Variants in DIAPH2 observed in about 807,000 individuals in gnomAD.
DIAPH2 encodes the protein protein diaphanous homolog 2.
DIAPH2 carries 35 observed loss-of-function variants against 92.7 expected under a neutral mutation model. The ratio of observed to expected loss-of-function variants is 0.38; its 90% CI spans 0.29 to 0.50. The LOEUF (loss-of-function observed/expected upper bound fraction) is 0.50. Among genes scored for constraint, DIAPH2 ranks in the 20% least tolerant of loss-of-function variants. The pLI, the probability that DIAPH2 is intolerant of heterozygous loss-of-function variation, is 0.94. For missense variants in DIAPH2, 701 were observed against 819.5 expected (o/e 0.86, Z 1.77); for synonymous variants, 301 against 280.4 (o/e 1.07, Z -0.73).
intron 3 of DIAPH2, among the ~76,000 whole-genome samples, chrX:96,755,575 C>T (rs1184747458): frequency 9.0e-6 from 1 of 110,914 alleles, no homozygotes; most frequent in Non-Finnish European, 1.9e-5. Context: ...ATCACTTGAA[C>T]TTGGGAGGTG....
At chrX:96,751,343 G>A (rs1483951812) in intron 3 of DIAPH2, among the ~76,000 whole-genome samples, 2 of 109,440 alleles carry the variant, frequency 1.8e-5, no homozygotes, top group Non-Finnish European at 3.8e-5. Flanking sequence ...TTGGGAGGCC[G>A]AGGCAGGCGG....
chrX:97,139,418 T>C (rs1158348394), intron 21 of DIAPH2, among the ~76,000 whole-genome samples: 1 of 108,206 alleles, frequency 9.2e-6, no homozygotes, highest in Non-Finnish European at 1.9e-5. Context: ...TCCTGCCAGT[T>C]TGAACCATTA....
At chrX:96,915,851 G>A (rs1217486104) in intron 7 of DIAPH2, among the ~76,000 whole-genome samples, 1 of 111,342 alleles carries the variant, frequency 9.0e-6, no homozygotes. Context: ...TAGTTGACTT[G>A]TGACACTTAA....
intron 23 of DIAPH2, among the ~76,000 whole-genome samples, chrX:97,307,449 G>T (rs774534071): frequency 7.1e-5 from 8 of 112,009 alleles, no homozygotes; most frequent in African/African-American, 2.6e-4. Context: ...ACAGTTAAGT[G>T]TGATTTATAG....
intron 4 of DIAPH2, among the ~76,000 whole-genome samples, chrX:96,813,365 C>G (rs1243270572): frequency 1.9e-5 from 2 of 105,754 alleles, no homozygotes; most frequent in Non-Finnish European, 3.9e-5. Context: ...TTTTTGCTTT[C>G]CATTTGCTTG....
intron 22 of DIAPH2, among the ~76,000 whole-genome samples, chrX:97,197,588 G>A (rs752728765): frequency 8.9e-6 from 1 of 111,970 alleles, no homozygotes; most frequent in Non-Finnish European, 1.9e-5. Context: ...TATTTTACTG[G>A]AAGATAATTC....
In DIAPH2 at chrX:97,414,639, G is replaced by A. The variant is rs557838406; in HGVS notation, c.3146-15011G>A. On this transcript the variant is annotated intron_variant, in intron 25 of 26. Transcript: ENST00000324765. ...ACTGTACTCCAGCCTGGGCGACAGA[G>A]CAAGACTCTGTCTCAAAAAAAAAAA... 1.4e-4 allele frequency among the ~76,000 whole-genome samples: 13 copies of A among 94,619 alleles called. 1 individual carries two copies. Among genetic ancestry groups the A allele is most frequent in the Middle Eastern group, 5.3e-3 (1 of 187 alleles). The allele number at this position is 94,619 out of a possible 115,157, so 82.2% of individuals were successfully genotyped here.
At chrX:97,300,577 T>A (rs2068684493) in intron 23 of DIAPH2, among the ~76,000 whole-genome samples, 1 of 102,134 alleles carries the variant, frequency 9.8e-6, no homozygotes, top group Non-Finnish European at 2.0e-5. Context: ...CCAAAGTGAC[T>A]AACTGTAACT....
chrX:97,086,780 C>T (rs1459629312), intron 19 of DIAPH2, among the ~76,000 whole-genome samples: 1 of 111,414 alleles, frequency 9.0e-6, no homozygotes, highest in Non-Finnish European at 1.9e-5. Context: ...AACCAAGGCT[C>T]AGAGAGGTTT....
intron 22 of DIAPH2, among the ~76,000 whole-genome samples, chrX:97,221,020 C>A (rs1414498054): frequency 9.0e-6 from 1 of 111,144 alleles, no homozygotes; most frequent in East Asian, 2.8e-4. Flanking sequence ...TTGTTAAAAA[C>A]AGTTCATTGG....
chrX:97,493,990 G>A (rs991848539), intron 26 of DIAPH2, among the ~76,000 whole-genome samples: 1 of 108,592 alleles, frequency 9.2e-6, no homozygotes, highest in African/African-American at 3.3e-5. Context: ...TCTGAGATGC[G>A]TGAATCACTT....
At chrX:97,507,337 A>G (rs1338196892) in intron 26 of DIAPH2, among the ~76,000 whole-genome samples, 2 of 110,707 alleles carry the variant, frequency 1.8e-5, no homozygotes, top group Non-Finnish European at 3.8e-5. Context: ...ATATTGGCAA[A>G]TATTTCCATA....
intron 23 of DIAPH2, among the ~76,000 whole-genome samples, chrX:97,301,928 G>T (rs2068709227): frequency 9.0e-6 from 1 of 110,884 alleles, no homozygotes; most frequent in Non-Finnish European, 1.9e-5. Context: ...AAAAGTATTG[G>T]ATATGGCCGA....
At chrX:96,771,042 C>T (rs749638802) in intron 4 of DIAPH2, among the ~76,000 whole-genome samples, 12 of 111,387 alleles carry the variant, frequency 1.1e-4, no homozygotes, top group Admixed American at 1.9e-4. Context: ...CTTCCCTTCC[C>T]GTGCATTGTC....
chrX:97,228,993 G>T (rs777223268), intron 22 of DIAPH2, among the ~76,000 whole-genome samples: 1 of 111,669 alleles, frequency 9.0e-6, no homozygotes, highest in Non-Finnish European at 1.9e-5. Flanking sequence ...GTCCATGTGT[G>T]TGCCAAAAGG....
At chrX:97,150,903 A>G (rs2067280831) in intron 22 of DIAPH2, among the ~76,000 whole-genome samples, 1 of 111,988 alleles carries the variant, frequency 8.9e-6, no homozygotes, top group Non-Finnish European at 1.9e-5. Context: ...CATTAACGTA[A>G]TCCTTGTTGC....
At chrX:97,063,587 A>G (rs1349042363) in intron 17 of DIAPH2, among the ~76,000 whole-genome samples, 3 of 112,280 alleles carry the variant, frequency 2.7e-5, no homozygotes, top group Non-Finnish European at 5.6e-5. Flanking sequence ...TGATGAGATA[A>G]TTGATCCCTG....
rs756112791 is a variant in DIAPH2 at position 96,710,655 on chromosome X, A to AC, written c.133-25097dup. On this transcript the variant is annotated intron_variant, in intron 1 of 26. Transcript: ENST00000324765. ...ATATGTAATACTCCTCCATAATAGC[A>AC]CCCCCCTCCACTCCCACCATATGAT... is the stretch of plus-strand genomic sequence containing the variant. Among the ~76,000 whole-genome samples the AC allele has an allele frequency of 5.2e-3, 568 of 110,192 alleles. 1 individual carries two copies. Among genetic ancestry groups the AC allele is most frequent in the African/African-American group, 0.018 (546 of 30,287 alleles).
In DIAPH2 at chrX:97,604,189, C is replaced by T. The variant is rs1391523849; in HGVS notation, c.*4872C>T. The T allele has an allele frequency of 8.9e-6, 1 of 111,983 alleles. No homozygotes were observed. The highest frequency in any genetic ancestry group is 2.8e-4 in the East Asian group (1 of 3,573). 9.2% of individuals were successfully genotyped at this position (111,983 alleles called of 1,213,427 possible). On this transcript the variant is annotated 3_prime_UTR_variant, in exon 27 of 27. Transcript: ENST00000324765. ...CCTTGGTTTGTGACTGCATCTCCCT[C>T]TCCTCTGTCTTCACATCACTTCCCC...
Sources: allele counts gnomAD v4.1 joint callset (sites outside exome capture counted in the v4.1 genomes callset), GRCh38; gene constraint gnomAD v4.1.1; transcripts MANE v1.5; gene names NCBI Gene and HGNC (gene_info 2026-07-23, HGNC 2026-07-21).